MTMR1: variants seen among roughly 807,000 people sequenced by gnomAD.
MTMR1 encodes the protein phosphatidylinositol-3-phosphate phosphatase MTMR1.
A neutral mutation model predicts 51.6 loss-of-function variants in MTMR1; 17 were observed. That is an observed-to-expected ratio of 0.33 (90% confidence interval 0.23 to 0.49). The LOEUF (loss-of-function observed/expected upper bound fraction) is 0.49. Among genes scored for constraint, MTMR1 ranks in the 20% least tolerant of loss-of-function variants. The pLI is 0.99. For missense variants in MTMR1, 386 were observed against 526.9 expected (o/e 0.73, Z 2.62); for synonymous variants, 201 against 205.6 (o/e 0.98, Z 0.19).
chrX:150,717,240 T>C (rs1020509841), intron 3 of MTMR1, among the ~76,000 whole-genome samples: 62 of 107,099 alleles, frequency 5.8e-4, no homozygotes, highest in African/African-American at 2.0e-3. Flanking sequence ...GCGCCTGTAG[T>C]CCCAGCTACT....
intron 12 of MTMR1, among the ~76,000 whole-genome samples, chrX:150,743,529 C>T (rs1301756537): frequency 4.5e-5 from 5 of 112,078 alleles, no homozygotes; most frequent in African/African-American, 6.5e-5. Flanking sequence ...TTGATTTTGT[C>T]ATTTATTTGT....
At chrX:150,714,409 C>T (rs1426026663) in intron 3 of MTMR1, 2 of 715,224 alleles carry the variant, frequency 2.8e-6, no homozygotes, top group East Asian at 8.6e-5. Context: ...TGTCCTTTCA[C>T]CTGTCTGTTT....
At chrX:150,752,432 G>T (rs782130209) in intron 14 of MTMR1, among the ~76,000 whole-genome samples, 1 of 111,308 alleles carries the variant, frequency 9.0e-6, no homozygotes, top group African/African-American at 3.3e-5. Context: ...TCCCACTGCA[G>T]TTAGAGTAAA....
chrX:150,736,487 A>G, intron 10 of MTMR1, 108 bp from the exon 11 acceptor site: 2 of 725,738 alleles, frequency 2.8e-6, no homozygotes, highest in Non-Finnish European at 4.0e-6. Flanking sequence ...TAGGAGGTTT[A>G]TTTGCAGATG....
chrX:150,715,792 A>G (rs2041491795), intron 3 of MTMR1, among the ~76,000 whole-genome samples: 1 of 112,716 alleles, frequency 8.9e-6, no homozygotes, highest in Non-Finnish European at 1.9e-5. Flanking sequence ...CTTTTTTGCC[A>G]TTTAAAAGGC....
In MTMR1 at chrX:150,749,895, G is replaced by A. The variant is rs782101787; in HGVS notation, c.1567-835G>A. On this transcript the variant is annotated intron_variant, in intron 13 of 15. Transcript: ENST00000445323. ...GCACTTTGGGAGGCTGAGGCGAGTG[G>A]ATCACGAGGTCAGGAGTTGGAGACC... Among the ~76,000 whole-genome samples, 9 of 111,453 alleles carry A rather than the reference G, an allele frequency of 8.1e-5. No individual in the cohort carries two copies. The South Asian group carries it at 3.4e-3, about 42-fold the overall frequency.
chrX:150,717,739 A>G (rs1557416443), intron 3 of MTMR1, among the ~76,000 whole-genome samples: 1 of 111,875 alleles, frequency 8.9e-6, no homozygotes, highest in African/African-American at 3.3e-5. Context: ...GGGAGTGGCT[A>G]CTGGGCTGCA....
chrX:150,739,176 GTC>G (rs1302566539), intron 12 of MTMR1, among the ~76,000 whole-genome samples: 1 of 112,600 alleles, frequency 8.9e-6, no homozygotes, highest in African/African-American at 3.2e-5. Flanking sequence ...CAAGTCCGCA[GTC>G]TCTGAGCTGC....
In MTMR1 at chrX:150,755,723, A is replaced by T; in HGVS notation, c.1715A>T (p.Tyr572Phe). 1 of 1,203,552 alleles carries T rather than the reference A, an allele frequency of 8.3e-7. No homozygotes were observed. The highest frequency in any genetic ancestry group is 1.1e-6 in the Non-Finnish European group (1 of 892,156). The change falls in exon 15 of 16, where the codon TAT becomes TTT. Residue 572 changes from tyrosine to phenylalanine, a missense_variant. Physicochemically the swap from Tyr to Phe is conservative, Grantham distance 22. Coordinates refer to ENST00000445323, the MANE Select transcript of MTMR1 (RefSeq NM_001306144.3). ...ACAAAGACGATATCTTTATGGTCGT[A>T]TATCAATAGCCAGCTAGACGAGTTT... is the stretch of plus-strand genomic sequence containing the variant. ...VYTKTISLWS[Y>F]INSQLDEFSN...
chrX:150,718,607 T>TGCCAGGCTC lies in MTMR1; in HGVS notation c.277-18_277-17insGCCAGGCTC. On this transcript the variant is annotated splice_polypyrimidine_tract_variant and intron_variant, in intron 3 of 15. Coordinates refer to ENST00000445323, the MANE Select transcript of MTMR1 (RefSeq NM_001306144.3). ...TCCTTTTTTTTTTTTTTTTTTTTTTTTTTTTTTTTTTTGCCAGGCTCTAAG... is the reference window on the plus strand; with the variant it reads ...TCCTTTTTTTTTTTTTTTTTTTTTTTGCCAGGCTCTTTTTTTTTTTTGCCAGGCTCTAAG... The TGCCAGGCTC allele has an allele frequency of 5.5e-6, 5 of 916,009 alleles. No individual in the cohort carries two copies. The highest frequency in any genetic ancestry group is 6.9e-6 in the Non-Finnish European group (5 of 719,622). 75.5% of individuals were successfully genotyped at this position (916,009 alleles called of 1,213,427 possible).
At chrX:150,740,860 G>C (rs1325617968) in intron 12 of MTMR1, among the ~76,000 whole-genome samples, 1 of 110,131 alleles carries the variant, frequency 9.1e-6, no homozygotes, top group African/African-American at 3.3e-5. Context: ...AGAGAGGGGA[G>C]AGGGTGCCAG....
chrX:150,744,800 A>C (rs1408350328), intron 13 of MTMR1, among the ~76,000 whole-genome samples: 1 of 112,056 alleles, frequency 8.9e-6, no homozygotes, highest in Non-Finnish European at 1.9e-5. Context: ...GCCAGATGTT[A>C]GAAATGAGGA....
intron 15 of MTMR1, among the ~76,000 whole-genome samples, chrX:150,756,261 T>C (rs1253314929): frequency 1.8e-5 from 2 of 111,885 alleles, no homozygotes; most frequent in African/African-American, 3.3e-5. Context: ...CTACAGTGTA[T>C]AGACCCTGTT....
chrX:150,760,895 C>A (rs1451037443), intron 15 of MTMR1, among the ~76,000 whole-genome samples: 2 of 104,706 alleles, frequency 1.9e-5, no homozygotes, highest in Non-Finnish European at 3.9e-5. Context: ...CCGCTGCACT[C>A]CAGCCTGGGG....
At chrX:150,741,941 C>T (rs969401460) in intron 12 of MTMR1, among the ~76,000 whole-genome samples, 1 of 112,561 alleles carries the variant, frequency 8.9e-6, no homozygotes, top group African/African-American at 3.2e-5. Context: ...TCTGACAATT[C>T]CGCTGATGGG....
intron 3 of MTMR1, 122 bp downstream of exon 3, chrX:150,712,487 A>G (rs1172546997): frequency 3.1e-6 from 2 of 648,277 alleles, no homozygotes; most frequent in East Asian, 3.7e-5. Context: ...ACTCAGATCA[A>G]TTTGCTCTGC....
chrX:150,716,224 A>G (rs2041508223), intron 3 of MTMR1, among the ~76,000 whole-genome samples: 1 of 112,916 alleles, frequency 8.9e-6, no homozygotes, highest in Non-Finnish European at 1.9e-5. Context: ...ACAACGTAAC[A>G]TTTGAAGTAA....
intron 10 of MTMR1, chrX:150,735,539 C>A: frequency 2.1e-6 from 1 of 481,244 alleles, no homozygotes; most frequent in Non-Finnish European, 3.7e-6. Context: ...TTTGGATGAC[C>A]CATCATCTCT....
At chrX:150,742,816 CAAAAA>C (rs1159891625) in intron 12 of MTMR1, among the ~76,000 whole-genome samples, 1 of 21,747 alleles carries the variant, frequency 4.6e-5, no homozygotes, top group African/African-American at 1.8e-4. Context: ...GACTCCATCT[CAAAAA>C]AAAAAAAAAA....
Sources: allele counts gnomAD v4.1 joint callset (sites outside exome capture counted in the v4.1 genomes callset), GRCh38; gene constraint gnomAD v4.1.1; transcripts MANE v1.5; gene names NCBI Gene and HGNC (gene_info 2026-07-23, HGNC 2026-07-21).